The following STK3 variants were observed in gnomAD, a reference collection of about 807,000 sequenced individuals.
STK3 encodes the protein serine/threonine kinase 3, also known as serine/threonine-protein kinase 3.
In STK3, 41 loss-of-function variants were observed where a neutral mutation model predicts 58.0. The observed-to-expected ratio is 0.71, with a 90% CI of 0.55 to 0.92. The LOEUF is 0.92. Among genes scored for constraint, STK3 ranks in the 40% least tolerant of loss-of-function variants. The pLI, the probability that STK3 is intolerant of heterozygous loss-of-function variation, is 0.00. For synonymous variants in STK3, 170 were observed against 191.0 expected (o/e 0.89, Z 0.91); for missense variants, 479 against 602.7 (o/e 0.79, Z 2.15).
chr8:98,558,041 ATAGAG>A (rs1405070293), intron 8 of STK3, among the ~76,000 whole-genome samples: 2 of 152,118 alleles, frequency 1.3e-5, no homozygotes, highest in Non-Finnish European at 2.9e-5. Context: ...CTAATATACA[ATAGAG>A]TAAATTAAAA....
At chr8:98,595,808 G>C (rs1239182029) in intron 7 of STK3, 27 of 417,366 alleles carry the variant, frequency 6.5e-5, no homozygotes, top group Non-Finnish European at 1.1e-4. Context: ...TGAAGACAAA[G>C]ATTCCTTTCT....
intron 1 of STK3, among the ~76,000 whole-genome samples, chr8:98,795,066 C>A: frequency 1.6e-5 from 1 of 63,740 alleles, no homozygotes; most frequent in African/African-American, 6.6e-5. Flanking sequence ...CAGACAAGAG[C>A]AAAACTCCGT....
chr8:98,527,310 T>C (rs1333369537), intron 9 of STK3, among the ~76,000 whole-genome samples: 1 of 152,172 alleles, frequency 6.6e-6, no homozygotes, highest in East Asian at 1.9e-4. Context: ...ATTGTTATTG[T>C]ACATTTTCAG....
chr8:98,614,489 C>T (rs1817490755), intron 6 of STK3, among the ~76,000 whole-genome samples: 2 of 152,204 alleles, frequency 1.3e-5, no homozygotes, highest in Non-Finnish European at 2.9e-5. Context: ...CTCCGGTCTA[C>T]AGCTCCCAGC....
chr8:98,583,931 C>T (rs1814184579), intron 7 of STK3, among the ~76,000 whole-genome samples: 1 of 151,706 alleles, frequency 6.6e-6, no homozygotes, highest in Non-Finnish European at 1.5e-5. Flanking sequence ...ATAAATACTT[C>T]TTTTAAAAAT....
intron 10 of STK3, among the ~76,000 whole-genome samples, chr8:98,490,865 C>T (rs981370192): frequency 2.6e-5 from 4 of 152,166 alleles, no homozygotes; most frequent in Non-Finnish European, 5.9e-5. Context: ...ATTTTTATCA[C>T]TCCCGGAGAT....
At chr8:98,570,351 G>A (rs992991224) in intron 8 of STK3, among the ~76,000 whole-genome samples, 3 of 151,418 alleles carry the variant, frequency 2.0e-5, no homozygotes, top group Admixed American at 1.3e-4. Context: ...ATGTTGCCCA[G>A]GCTGGTCTTG....
intron 6 of STK3, among the ~76,000 whole-genome samples, chr8:98,678,897 TAA>T (rs1823415353): frequency 6.6e-6 from 1 of 152,224 alleles, no homozygotes; most frequent in African/African-American, 2.4e-5. Flanking sequence ...TGTGGAAGAA[TAA>T]ACTCTATATT....
At chr8:98,767,171 TA>T in intron 3 of STK3, 71 bp downstream of exon 3, 2 of 1,426,464 alleles carry the variant, frequency 1.4e-6, no homozygotes, top group South Asian at 2.9e-5. Flanking sequence ...GATCAAAGAA[TA>T]AATTTTGTTA....
At chr8:98,411,724 T>C (rs1818059460) in intron 3 of STK3, among the ~76,000 whole-genome samples, 3 of 152,242 alleles carry the variant, frequency 2.0e-5, no homozygotes, top group African/African-American at 7.2e-5. Flanking sequence ...GTCTCATTTA[T>C]GCTGAGGCCT....
chr8:98,541,543 T>A (rs112235509), intron 9 of STK3, among the ~76,000 whole-genome samples: 3,580 of 152,270 alleles, frequency 0.024, 92 homozygotes, highest in African/African-American at 0.065. Context: ...TAGTTCTTTA[T>A]AGCAATATGA....
intron 1 of STK3, among the ~76,000 whole-genome samples, chr8:98,795,427 C>T (rs531815946): frequency 1.3e-5 from 2 of 151,378 alleles, no homozygotes; most frequent in East Asian, 3.9e-4. Context: ...AACTCCACAG[C>T]CAACATCATA....
At chr8:98,421,106 G>A (rs983929276) in intron 3 of STK3, among the ~76,000 whole-genome samples, 32 of 152,292 alleles carry the variant, frequency 2.1e-4, no homozygotes, top group Admixed American at 2.0e-3. Context: ...CTCCCTGAAC[G>A]CACCGGAGGG....
At chr8:98,610,684 T>G (rs1163596507) in intron 6 of STK3, among the ~76,000 whole-genome samples, 1 of 152,154 alleles carries the variant, frequency 6.6e-6, no homozygotes, top group East Asian at 1.9e-4. Flanking sequence ...TGGGGAATCC[T>G]GGGATCCTGG....
intron 3 of STK3, among the ~76,000 whole-genome samples, chr8:98,835,682 C>G (rs1353767090): frequency 6.6e-6 from 1 of 152,146 alleles, no homozygotes; most frequent in Non-Finnish European, 1.5e-5. Context: ...TGCAAAGTTC[C>G]AGAAGGAAGA....
chr8:98,651,192 G>C (rs1003535073), intron 6 of STK3, among the ~76,000 whole-genome samples: 3 of 152,184 alleles, frequency 2.0e-5, no homozygotes, highest in African/African-American at 7.2e-5. Context: ...ACGAAAATCT[G>C]CTGTTCTGCA....
At chr8:98,823,697 T>C (rs1201029745) in intron 1 of STK3, among the ~76,000 whole-genome samples, 1 of 152,244 alleles carries the variant, frequency 6.6e-6, no homozygotes, top group African/African-American at 2.4e-5. Flanking sequence ...TTGTTGTTTT[T>C]GTTTTGTTTT....
At chr8:98,419,625 G>A (rs1351774467) in intron 3 of STK3, among the ~76,000 whole-genome samples, 1 of 152,202 alleles carries the variant, frequency 6.6e-6, no homozygotes, top group East Asian at 1.9e-4. Flanking sequence ...TTCCAGCCAA[G>A]GATAGCAATG....
chr8:98,468,895 G>C (rs1820689342), intron 10 of STK3, among the ~76,000 whole-genome samples: 1 of 152,130 alleles, frequency 6.6e-6, no homozygotes, highest in African/African-American at 2.4e-5. Flanking sequence ...CGGATCACGA[G>C]GTCAAGAGAT....
Sources: gnomAD v4.1 joint callset for allele counts (sites outside exome capture counted in the v4.1 genomes callset) on GRCh38, gnomAD v4.1.1 for gene constraint, MANE v1.5 for transcripts, NCBI Gene and HGNC (gene_info 2026-07-23, HGNC 2026-07-21) for gene names.